The following AARS1 variants were observed in gnomAD, a reference collection of about 807,000 sequenced individuals.
The protein encoded by AARS1 is alanyl-tRNA synthetase 1, also known as alanine--tRNA ligase, cytoplasmic.
In AARS1, 72 loss-of-function variants were observed where a neutral mutation model predicts 108.9. That is an observed-to-expected ratio of 0.66 (90% CI 0.55 to 0.80). AARS1 has a LOEUF of 0.80. AARS1 is among the 30% of genes least tolerant of loss of function. The pLI is 0.00. For missense variants in AARS1, 1,193 were observed against 1,233.2 expected (o/e 0.97, Z 0.49); for synonymous variants, 489 against 465.7 (o/e 1.05, Z -0.64).
At position 70,258,121 on chromosome 16, in the gene AARS1, C is replaced by G; in HGVS notation, c.2089G>C (p.Val697Leu). The G allele has an allele frequency of 1.9e-6, 3 of 1,613,660 alleles. No homozygotes were observed. The South Asian group carries it at 3.3e-5, about 18-fold the overall frequency. The change falls in exon 15 of 21, where the codon GTC becomes CTC. Residue 697 changes from valine (V) to leucine (L), a missense_variant. Coordinates refer to ENST00000261772, the MANE Select transcript of AARS1 (RefSeq NM_001605.3). Reference protein sequence around the residue: ...DETYPDPVRVVSIGVPVSELL... With the variant: ...DETYPDPVRVLSIGVPVSELL... ...TCGGACACCGGGACCCCAATGGAGA[C>G]GACTCGCACAGGGTCAGGATAGGTC...
chr16:70,256,224 C>A (rs1350028589), intron 15 of AARS1, among the ~76,000 whole-genome samples: 1 of 152,182 alleles, frequency 6.6e-6, no homozygotes, highest in African/African-American at 2.4e-5. Flanking sequence ...ACCACAACCC[C>A]TTAAACAGGC....
At chr16:70,257,116 G>C (rs936845618) in intron 15 of AARS1, among the ~76,000 whole-genome samples, 2 of 152,144 alleles carry the variant, frequency 1.3e-5, no homozygotes, top group Non-Finnish European at 2.9e-5. Flanking sequence ...GGGCGTGGTG[G>C]TGTGTGCCTG....
intron 1 of AARS1, among the ~76,000 whole-genome samples, chr16:70,284,821 C>A (rs974605588): frequency 2.0e-5 from 3 of 152,172 alleles, no homozygotes; most frequent in African/African-American, 7.2e-5. Context: ...AACCTTAATT[C>A]ACTTTTGCCT....
rs770700141 is a variant in AARS1 at position 70,282,778 on chromosome 16, C to G, written c.-15G>C. The G allele has an allele frequency of 3.1e-6, 5 of 1,612,986 alleles. No homozygotes were observed. Among genetic ancestry groups the G allele is most frequent in the Non-Finnish European group, 2.5e-6 (3 of 1,179,524 alleles). ...GTAGAGTCCATCTTGAAAGTCACCC[C>G]AAAGAACTAATCAAAGAAAAAAAAA... On this transcript the variant is annotated 5_prime_UTR_variant, in exon 2 of 21. Coordinates refer to ENST00000261772, the MANE Select transcript of AARS1 (RefSeq NM_001605.3).
Position 70,264,955 on chromosome 16 carries a change from T to A in AARS1, c.1492+3A>T. The stretch of plus-strand genomic sequence containing the variant: ...CAGATGTGGAAGGAGCACAGCAACA[T>A]ACCATAGCTACCACTGGAGTCCAAA... On this transcript the variant is annotated splice_donor_region_variant and intron_variant, in intron 11 of 20. Coordinates refer to ENST00000261772, the MANE Select transcript of AARS1 (RefSeq NM_001605.3). The A allele has an allele frequency of 1.9e-6, 3 of 1,613,994 alleles. No homozygotes were observed. The highest frequency in any genetic ancestry group is 1.7e-6 in the Non-Finnish European group (2 of 1,180,000).
intron 2 of AARS1, among the ~76,000 whole-genome samples, chr16:70,281,729 G>A (rs1216716904): frequency 6.6e-6 from 1 of 152,140 alleles, no homozygotes; most frequent in Non-Finnish European, 1.5e-5. Flanking sequence ...GAGCATGCCT[G>A]TAGTCCTAGC....
rs746654032 is a variant in AARS1, at chr16:70,258,177, G to A, written c.2033C>T (p.Ala678Val). The A allele has an allele frequency of 1.9e-6, 3 of 1,605,682 alleles. No homozygotes were observed. Among genetic ancestry groups the A allele is most frequent in the Non-Finnish European group, 2.6e-6 (3 of 1,175,710 alleles). ...AAACACAGCCCGTAGGCCCTGGATG[G>A]CTTTCGCTGCTGCCAGGGGGCAATC... ...TQDCPLAAAK[A>V]IQGLRAVFDE... The change falls in exon 15 of 21, where the codon GCC (alanine) becomes GTC (valine). Residue 678 changes from alanine to valine, a missense_variant. Physicochemically the swap from Ala to Val is moderately conservative, Grantham distance 64 (BLOSUM62 0). Transcript: ENST00000261772.
rs771898925 is a variant in AARS1, at chr16:70,268,275, G to A, written c.1067C>T (p.Ser356Phe). 2.2e-5 allele frequency: 36 copies of A among 1,613,630 alleles called. No homozygotes were observed. The highest frequency in any genetic ancestry group is 3.3e-5 in the Admixed American group (2 of 60,002). ...TAAGCAGAGAAATAAACCTACCAGGGACTGGACGACAACATCCACTAACGT... is the reference window on the plus strand; with the variant it reads ...TAAGCAGAGAAATAAACCTACCAGGAACTGGACGACAACATCCACTAACGT... Reference protein sequence around the residue: ...FATLVDVVVQSLGDAFPELKK... With the variant: ...FATLVDVVVQFLGDAFPELKK... Residue 356 changes from serine to phenylalanine, a missense_variant, in exon 8 of 21, where the codon TCC becomes TTC. Ser to Phe is a radical substitution (Grantham distance 155, BLOSUM62 -2). Coordinates refer to ENST00000261772, the MANE Select transcript of AARS1 (RefSeq NM_001605.3).
intron 1 of AARS1, among the ~76,000 whole-genome samples, chr16:70,288,040 C>T (rs1960898123): frequency 6.6e-6 from 1 of 151,196 alleles, no homozygotes; most frequent in African/African-American, 2.4e-5. Flanking sequence ...GCTGGGATTA[C>T]AGGGGTGAGC....
rs12149282 is a variant in AARS1, at chr16:70,275,631, T to C, written c.479+855A>G. ...ACAAAAAATTAGCCGGGCGTGGTGG[T>C]GGGCGCCTGTAGTCCCAGCTACTCG... On this transcript the variant is annotated intron_variant, in intron 4 of 20. Coordinates refer to ENST00000261772, the MANE Select transcript of AARS1 (RefSeq NM_001605.3). Among the ~76,000 whole-genome samples the C allele has an allele frequency of 2.9e-3, 439 of 150,816 alleles. 2 individuals are homozygous for C. Among genetic ancestry groups the C allele is most frequent in the Non-Finnish European group, 4.0e-3 (273 of 67,674 alleles).
rs1243771464 is a variant in AARS1 at position 70,288,344 on chromosome 16, C to T, written c.-22+1077G>A. ...CAGGATGGTCTCAATCTCCTGACCT[C>T]GTGATCTGCCCACCTCGGCCTCCCC... On this transcript the variant is annotated intron_variant, in intron 1 of 20. Transcript: ENST00000261772. 3.4e-5 allele frequency among the ~76,000 whole-genome samples: 5 copies of T among 144,966 alleles called. No homozygotes were observed. The East Asian group carries it at 8.6e-4, about 25-fold the overall frequency.
intron 15 of AARS1, 116 bp downstream of exon 15, chr16:70,257,917 A>C: frequency 1.7e-6 from 2 of 1,167,392 alleles, no homozygotes; most frequent in Non-Finnish European, 2.5e-6. Flanking sequence ...TAGCAACGGC[A>C]TTTCTGAGGA....
At chr16:70,268,028 C>G (rs1228510049) in intron 8 of AARS1, among the ~76,000 whole-genome samples, 1 of 152,200 alleles carries the variant, frequency 6.6e-6, no homozygotes, top group African/African-American at 2.4e-5. Flanking sequence ...ATTAGCCAGG[C>G]TTGGCGGTGT....
At chr16:70,280,286 G>A (rs1019385561) in intron 2 of AARS1, among the ~76,000 whole-genome samples, 7 of 151,716 alleles carry the variant, frequency 4.6e-5, no homozygotes, top group African/African-American at 1.7e-4. Flanking sequence ...GCGTGATCTC[G>A]GCTCACTGCA....
At chr16:70,260,988 AGAG>A in intron 13 of AARS1, 53 bp downstream of exon 13, 4 of 1,368,782 alleles carry the variant, frequency 2.9e-6, no homozygotes, top group East Asian at 4.6e-5. Flanking sequence ...ATTTAAAGCC[AGAG>A]GAGAAGATAA....
intron 11 of AARS1, among the ~76,000 whole-genome samples, chr16:70,263,502 C>T (rs1015993507): frequency 6.7e-6 from 1 of 149,528 alleles, no homozygotes; most frequent in Non-Finnish European, 1.5e-5. Context: ...AGCTGGGAGG[C>T]AGAAGTTGCA....
rs942383684 is a variant in AARS1 at position 70,253,819 on chromosome 16, G to C, written c.2521-19C>G. 3.1e-6 allele frequency: 5 copies of C among 1,614,084 alleles called. No homozygotes were observed. The African/African-American group carries it at 6.7e-5, about 22-fold the overall frequency. ...CTAACACCTGCAAGAAAAAAGTCCA[G>C]AACAGCAGCTCAGACCAAAAGCCCA... On this transcript the variant is annotated intron_variant, in intron 18 of 20. Coordinates refer to ENST00000261772, the MANE Select transcript of AARS1 (RefSeq NM_001605.3).
Position 70,269,659 on chromosome 16 carries a change from C to T in AARS1, c.921G>A (p.Val307=). Residue 307 remains valine, a synonymous_variant, in exon 7 of 21, where the codon GTG becomes GTA. Transcript: ENST00000261772. ...VLADHARTIT[V]ALADGGRPDN... is the part of the protein sequence containing the mutation. ...CAGGCCGGCCACCATCAGCCAGTGC[C>T]ACAGTGATGGTCCGAGCGTGGTCAG... The T allele has an allele frequency of 6.2e-7, 1 of 1,614,186 alleles. No individual in the cohort carries two copies. The highest frequency in any genetic ancestry group is 8.5e-7 in the Non-Finnish European group (1 of 1,180,034).
intron 19 of AARS1, 148 bp from the exon 20 acceptor site, chr16:70,253,529 G>T: frequency 1.0e-6 from 1 of 997,550 alleles, no homozygotes. Context: ...GGACCCCAGC[G>T]CCGGGCCCTG....
Sources: allele counts gnomAD v4.1 joint callset (sites outside exome capture counted in the v4.1 genomes callset), GRCh38; gene constraint gnomAD v4.1.1; transcripts MANE v1.5; gene names NCBI Gene and HGNC (gene_info 2026-07-23, HGNC 2026-07-21).